Variants in DOCK1 observed in about 807,000 individuals in gnomAD.
DOCK1 encodes the protein dedicator of cytokinesis 1, also known as dedicator of cytokinesis protein 1.
In DOCK1, 138 loss-of-function variants were observed where a neutral mutation model predicts 262.7. That is an observed-to-expected ratio of 0.53 (90% CI 0.46 to 0.61). The LOEUF is 0.61. DOCK1 is among the 20% of genes least tolerant of loss of function. The pLI is 0.00. For missense variants in DOCK1, 1,908 were observed against 2,370.7 expected, an observed-to-expected ratio of 0.80 and a Z score of 4.05; for synonymous variants, 866 against 867.4, an observed-to-expected ratio of 1.00 and a Z score of 0.03.
At chr10:126,910,445 C>G in intron 1 of DOCK1, among the ~76,000 whole-genome samples, 1 of 152,244 alleles carries the variant, frequency 6.6e-6, no homozygotes, top group Non-Finnish European at 1.5e-5. Flanking sequence ...CAAGCGCACA[C>G]TTGTACGCTG....
chr10:127,228,815 G>A (rs1167520), intron 27 of DOCK1, among the ~76,000 whole-genome samples: 152,141 of 152,366 alleles, frequency 1, 75,958 homozygotes, highest in Middle Eastern at 1. Context: ...TAAAAATTAT[G>A]TATATTTATG....
At chr10:127,260,725 G>A (rs1405611502) in intron 29 of DOCK1, among the ~76,000 whole-genome samples, 6 of 149,124 alleles carry the variant, frequency 4.0e-5, no homozygotes, top group Non-Finnish European at 5.9e-5. Context: ...CCTTGCATGT[G>A]TGTGCGTGTG....
intron 4 of DOCK1, among the ~76,000 whole-genome samples, chr10:126,983,379 T>G (rs565031793): frequency 6.6e-6 from 1 of 152,278 alleles, no homozygotes; most frequent in South Asian, 2.1e-4. Flanking sequence ...CTTCTCCTGG[T>G]CCTTTCCCCT....
intron 29 of DOCK1, among the ~76,000 whole-genome samples, chr10:127,258,262 T>C (rs1365216765): frequency 2.0e-5 from 3 of 152,142 alleles, no homozygotes; most frequent in African/African-American, 7.2e-5. Context: ...AATGTTCCTC[T>C]TGTTGCCCAA....
chr10:127,094,566 G>A (rs1046304598), intron 23 of DOCK1, among the ~76,000 whole-genome samples: 3 of 152,192 alleles, frequency 2.0e-5, no homozygotes, highest in African/African-American at 4.8e-5. Context: ...GCAGCTGGAG[G>A]GTGGTTGAGG....
At chr10:126,953,225 A>G (rs981984985) in intron 1 of DOCK1, among the ~76,000 whole-genome samples, 1 of 147,062 alleles carries the variant, frequency 6.8e-6, no homozygotes, top group Non-Finnish European at 1.5e-5. Context: ...TGTTGGTAGT[A>G]TTTTTAGTAG....
chr10:127,292,227 G>GT (rs1284082496), intron 29 of DOCK1, among the ~76,000 whole-genome samples: 17 of 152,036 alleles, frequency 1.1e-4, no homozygotes, highest in African/African-American at 2.7e-4. Flanking sequence ...TGTTTTCGGG[G>GT]GAGGGGGGGC....
intron 29 of DOCK1, among the ~76,000 whole-genome samples, chr10:127,313,888 T>TTG (rs35794850): frequency 0.33 from 49,948 of 151,886 alleles, 11,005 homozygotes; most frequent in African/African-American, 0.64. Flanking sequence ...TTGCTCGTAT[T>TTG]TGTTTGATCC....
intron 27 of DOCK1, among the ~76,000 whole-genome samples, chr10:127,184,748 C>A (rs2056069723): frequency 6.6e-6 from 1 of 152,216 alleles, no homozygotes; most frequent in Non-Finnish European, 1.5e-5. Flanking sequence ...TGTGTCTTCA[C>A]TTCCACTGGT....
At chr10:127,199,875 T>G (rs1372804416) in intron 27 of DOCK1, among the ~76,000 whole-genome samples, 1 of 152,178 alleles carries the variant, frequency 6.6e-6, no homozygotes, top group Non-Finnish European at 1.5e-5. Flanking sequence ...CCAATAACCC[T>G]TACCCCTCAG....
intron 29 of DOCK1, among the ~76,000 whole-genome samples, chr10:127,304,548 A>C (rs1019742808): frequency 6.6e-6 from 1 of 152,068 alleles, no homozygotes; most frequent in African/African-American, 2.4e-5. Flanking sequence ...CGTGGAAGCT[A>C]TTTTTATGAT....
intron 27 of DOCK1, among the ~76,000 whole-genome samples, chr10:127,215,676 T>G (rs1470535986): frequency 6.6e-6 from 1 of 152,228 alleles, no homozygotes; most frequent in Middle Eastern, 3.4e-3. Context: ...GCTTAAAATA[T>G]GCCGCCCAAG....
intron 38 of DOCK1, among the ~76,000 whole-genome samples, chr10:127,390,998 C>G (rs963529563): frequency 6.6e-6 from 1 of 152,208 alleles, no homozygotes; most frequent in African/African-American, 2.4e-5. Context: ...CTGCCGCCCA[C>G]ATGCGGCTGG....
chr10:127,244,636 T>G (rs2059373400), intron 27 of DOCK1, among the ~76,000 whole-genome samples: 1 of 152,198 alleles, frequency 6.6e-6, no homozygotes, highest in Non-Finnish European at 1.5e-5. Flanking sequence ...GAGGTTCACT[T>G]TTTTTTGTTG....
chr10:126,906,884 G>A (rs1370161218), intron 1 of DOCK1, among the ~76,000 whole-genome samples: 1 of 152,198 alleles, frequency 6.6e-6, no homozygotes, highest in Non-Finnish European at 1.5e-5. Context: ...GGGTCCTACC[G>A]GGCCTGCACT....
chr10:127,214,579 C>A (rs1183719033), intron 27 of DOCK1, among the ~76,000 whole-genome samples: 3 of 152,196 alleles, frequency 2.0e-5, no homozygotes, highest in Non-Finnish European at 4.4e-5. Flanking sequence ...GCAAGCGTAA[C>A]CCCTCTTCAT....
At chr10:127,173,167 GT>G (rs1223561005) in intron 27 of DOCK1, among the ~76,000 whole-genome samples, 6 of 152,118 alleles carry the variant, frequency 3.9e-5, no homozygotes, top group African/African-American at 1.4e-4. Flanking sequence ...CATGCCACTA[GT>G]GGACATCTAC....
At chr10:127,304,983 A>G (rs1326471658) in intron 29 of DOCK1, among the ~76,000 whole-genome samples, 5 of 152,144 alleles carry the variant, frequency 3.3e-5, no homozygotes, top group African/African-American at 9.7e-5. Flanking sequence ...TGTAAGTCCA[A>G]TGCTTCTTTT....
intron 1 of DOCK1, among the ~76,000 whole-genome samples, chr10:126,944,662 G>A (rs1354125394): frequency 6.6e-6 from 1 of 152,058 alleles, no homozygotes; most frequent in Non-Finnish European, 1.5e-5. Flanking sequence ...GAGTGTCATT[G>A]CTAGGGTGCC....
Sources: allele counts gnomAD v4.1 joint callset (sites outside exome capture counted in the v4.1 genomes callset), GRCh38; gene constraint gnomAD v4.1.1; transcripts MANE v1.5; gene names NCBI Gene and HGNC (gene_info 2026-07-23, HGNC 2026-07-21).